CCDC93: variants seen among roughly 807,000 people sequenced by gnomAD.
CCDC93 encodes coiled-coil domain-containing protein 93.
In CCDC93, 61 loss-of-function variants were observed where a neutral mutation model predicts 108.2. The ratio of observed to expected loss-of-function variants is 0.56; its 90% CI spans 0.46 to 0.70. The LOEUF is 0.70. Ranked by LOEUF, CCDC93 falls within the 30% of genes least tolerant of loss-of-function variation. CCDC93 has a pLI of 0.00. For synonymous variants in CCDC93, 276 were observed against 260.4 expected, an observed-to-expected ratio of 1.06 and a Z score of -0.58; for missense variants, 685 against 764.2, an observed-to-expected ratio of 0.90 and a Z score of 1.22.
intron 23 of CCDC93, among the ~76,000 whole-genome samples, chr2:117,922,472 A>T (rs1250871689): frequency 6.6e-6 from 1 of 152,222 alleles, no homozygotes; most frequent in Non-Finnish European, 1.5e-5. Flanking sequence ...AGCCAGCTTC[A>T]CAAAAATGTA....
intron 4 of CCDC93, chr2:117,997,939 A>C (rs12998836): frequency 0.97 from 148,146 of 152,322 alleles, 72,179 homozygotes; most frequent in Middle Eastern, 1. Context: ...CCTGAGTTAC[A>C]GCCTGGCTGG....
intron 20 of CCDC93, 64 bp downstream of exon 20, chr2:117,938,965 T>G: frequency 1.2e-6 from 1 of 846,918 alleles, no homozygotes; most frequent in Non-Finnish European, 2.0e-6. Context: ...CAAGTTCATT[T>G]GACTTCCTGG....
At position 117,920,179 on chromosome 2, in the gene CCDC93, A is replaced by G. The variant is rs547522619; in HGVS notation, c.*164T>C. ...TGTCTGACTCCATCAACAGCAGCCA[A>G]CAGAGATGAATGGAAGCAAAGAGGA... On this transcript the variant is annotated 3_prime_UTR_variant, in exon 24 of 24. Transcript: ENST00000376300. 66 of 539,196 alleles carry G rather than the reference A, an allele frequency of 1.2e-4. No homozygotes were observed. Among genetic ancestry groups the G allele is most frequent in the African/African-American group, 1.2e-3 (62 of 53,270 alleles). The allele number at this position is 539,196 out of a possible 1,614,324, so 33.4% of individuals were successfully genotyped here.
At chr2:118,001,889 G>A (rs1364649361) in intron 3 of CCDC93, among the ~76,000 whole-genome samples, 1 of 152,128 alleles carries the variant, frequency 6.6e-6, no homozygotes, top group East Asian at 1.9e-4. Context: ...TATCTTAATT[G>A]GATCAGACTC....
intron 11 of CCDC93, among the ~76,000 whole-genome samples, chr2:117,969,303 T>C (rs1240038333): frequency 1.3e-5 from 2 of 152,140 alleles, no homozygotes; most frequent in East Asian, 1.9e-4. Context: ...GTGACCTCAG[T>C]GAGCAGGTTG....
At chr2:117,941,361 A>G in intron 18 of CCDC93, 64 bp from the exon 19 acceptor site, 1 of 1,340,874 alleles carries the variant, frequency 7.5e-7, no homozygotes, top group East Asian at 2.3e-5. Context: ...TTCTCTAGGG[A>G]GCCAAAATAT....
intron 3 of CCDC93, among the ~76,000 whole-genome samples, chr2:118,003,174 G>A (rs1489672870): frequency 6.6e-6 from 1 of 152,220 alleles, no homozygotes; most frequent in Non-Finnish European, 1.5e-5. Context: ...TATGTTGCCT[G>A]CCCCACAGGG....
At chr2:117,976,181 CT>C (rs1296278850) in intron 8 of CCDC93, among the ~76,000 whole-genome samples, 4 of 152,160 alleles carry the variant, frequency 2.6e-5, no homozygotes, top group Non-Finnish European at 5.9e-5. Context: ...TTGGACACAT[CT>C]ACAGGGGATG....
intron 1 of CCDC93, among the ~76,000 whole-genome samples, chr2:118,011,330 T>C (rs977286977): frequency 6.6e-6 from 1 of 151,888 alleles, no homozygotes; most frequent in Non-Finnish European, 1.5e-5. Flanking sequence ...GTGGGGGAGG[T>C]GACAGCACTG....
chr2:117,927,397 A>G (rs1678154521), intron 23 of CCDC93, among the ~76,000 whole-genome samples: 1 of 152,158 alleles, frequency 6.6e-6, no homozygotes, highest in African/African-American at 2.4e-5. Flanking sequence ...AAATCTCCTT[A>G]AGCTGATAGA....
intron 21 of CCDC93, among the ~76,000 whole-genome samples, chr2:117,936,155 A>G (rs62161784): frequency 0.014 from 2,052 of 151,880 alleles, 17 homozygotes; most frequent in African/African-American, 0.019. Flanking sequence ...CTGCCAGAGG[A>G]CAGCAGAGAT....
At chr2:117,996,185 C>T in intron 5 of CCDC93, 79 bp downstream of exon 5, 1 of 942,240 alleles carries the variant, frequency 1.1e-6, no homozygotes, top group Non-Finnish European at 1.7e-6. Flanking sequence ...CCTGAGCTTA[C>T]TCTGCTCCTT....
rs1343202907 is a variant in CCDC93, at chr2:117,927,705, A to G, written c.1842+3332T>C. 6.6e-5 allele frequency among the ~76,000 whole-genome samples: 10 copies of G among 152,320 alleles called. No homozygotes were observed. The South Asian group carries it at 1.7e-3, about 25-fold the overall frequency. On this transcript the variant is annotated intron_variant, in intron 23 of 23. Coordinates refer to ENST00000376300, the MANE Select transcript of CCDC93 (RefSeq NM_019044.5). ...CTGCCCAAGGTAATTTATAGATTCA[A>G]TGCCATCCCCATCAAGCTACCAATG...
chr2:117,921,176 CAAA>C (rs34197714), intron 23 of CCDC93, among the ~76,000 whole-genome samples: 261 of 76,022 alleles, frequency 3.4e-3, no homozygotes, highest in African/African-American at 0.013. Context: ...GGCTCTGTCT[CAAA>C]AAAAAAAAAA....
chr2:117,982,850 G>A (rs12464016), intron 7 of CCDC93, among the ~76,000 whole-genome samples: 59,143 of 151,850 alleles, frequency 0.39, 12,180 homozygotes, highest in East Asian at 0.67. Context: ...CAGGGGGCCA[G>A]CCTTGTTTGA....
At chr2:117,981,738 AAAATTT>A (rs1318920355) in intron 7 of CCDC93, among the ~76,000 whole-genome samples, 3 of 152,252 alleles carry the variant, frequency 2.0e-5, no homozygotes, top group Non-Finnish European at 4.4e-5. Context: ...CACAAATCTT[AAAATTT>A]AAATTTAACT....
intron 3 of CCDC93, among the ~76,000 whole-genome samples, chr2:118,003,785 GTC>G (rs1328399440): frequency 6.6e-6 from 1 of 152,184 alleles, no homozygotes; most frequent in Non-Finnish European, 1.5e-5. Flanking sequence ...AGTCTGGACA[GTC>G]TTGGCAGCCA....
At chr2:117,928,332 G>A (rs940316774) in intron 23 of CCDC93, among the ~76,000 whole-genome samples, 2 of 152,022 alleles carry the variant, frequency 1.3e-5, no homozygotes, top group Non-Finnish European at 2.9e-5. Context: ...GCAACCTAAA[G>A]AATGGGAGAA....
At position 117,948,186 on chromosome 2, in the gene CCDC93, A is replaced by G. The variant is rs767983584; in HGVS notation, c.1143T>C (p.Ser381=). ...LEKIESKADP[S]ILQNLRALVA... ...CAAGTGCTCTCAGGTTCTGTAGGAT[A>G]CTGAAGAGAAAAGACAAAAAAATGA... The change falls in exon 15 of 24, where the codon AGT becomes AGC. Residue 381 remains serine (S), a splice_region_variant and synonymous_variant. Transcript: ENST00000376300. 6.2e-7 allele frequency: 1 copy of G among 1,610,392 alleles called. No individual in the cohort carries two copies. The highest frequency in any genetic ancestry group is 2.2e-5 in the East Asian group (1 of 44,854).
Sources: gnomAD v4.1 joint callset for allele counts (sites outside exome capture counted in the v4.1 genomes callset) on GRCh38, gnomAD v4.1.1 for gene constraint, MANE v1.5 for transcripts, NCBI Gene and HGNC (gene_info 2026-07-23, HGNC 2026-07-21) for gene names.